Variants in UCK2 observed in about 807,000 individuals in gnomAD.
UCK2 encodes uridine-cytidine kinase 2.
Under a neutral mutation model 30.8 loss-of-function variants are expected in UCK2, and 6 were observed. The ratio of observed to expected loss-of-function variants is 0.19; its 90% CI spans 0.11 to 0.38. UCK2 has a LOEUF of 0.38. UCK2 is among the 10% of genes least tolerant of loss of function. UCK2 has a pLI of 1.00. For missense variants in UCK2, 210 were observed against 339.8 expected (o/e 0.62, Z 3.00); for synonymous variants, 125 against 133.6 (o/e 0.94, Z 0.45).
At chr1:165,883,802 A>G (rs1264886033) in intron 1 of UCK2, among the ~76,000 whole-genome samples, 1 of 152,202 alleles carries the variant, frequency 6.6e-6, no homozygotes, top group Non-Finnish European at 1.5e-5. Context: ...TTGCTGCTGA[A>G]AAAAGAAAAG....
intron 1 of UCK2, among the ~76,000 whole-genome samples, chr1:165,859,596 G>A (rs1654842405): frequency 1.3e-5 from 2 of 152,108 alleles, no homozygotes; most frequent in South Asian, 4.1e-4. Context: ...CAGGGTGGGT[G>A]GATCACTTTG....
intron 3 of UCK2, among the ~76,000 whole-genome samples, chr1:165,895,029 C>T (rs1305084634): frequency 6.6e-6 from 1 of 152,186 alleles, no homozygotes; most frequent in African/African-American, 2.4e-5. Context: ...ACAGTGAAAG[C>T]TGCAGCAAGG....
chr1:165,863,435 A>T (rs761746529), intron 1 of UCK2, among the ~76,000 whole-genome samples: 1 of 152,204 alleles, frequency 6.6e-6, no homozygotes, highest in South Asian at 2.1e-4. Flanking sequence ...TGTTAAGCAG[A>T]TCTTCAGTAT....
chr1:165,872,710 G>A (rs1655225396), intron 1 of UCK2, among the ~76,000 whole-genome samples: 2 of 152,328 alleles, frequency 1.3e-5, no homozygotes, highest in East Asian at 3.9e-4. Context: ...CCTTAAAAAG[G>A]AGGCAGTCTT....
At position 165,852,989 on chromosome 1, in the gene UCK2, G is replaced by A. The variant is rs1051073469; in HGVS notation, c.99+25057G>A. Reference sequence around the variant, plus strand: ...ATCCCTCTCTTGGTGCCCTGGCTCTGGTTTCTTTTCTTCTAAGTTGCCCCT... The same window carrying A: ...ATCCCTCTCTTGGTGCCCTGGCTCTAGTTTCTTTTCTTCTAAGTTGCCCCT... On this transcript the variant is annotated intron_variant, in intron 1 of 6. Transcript: ENST00000367879. 5.5e-4 allele frequency among the ~76,000 whole-genome samples: 84 copies of A among 152,288 alleles called. 1 individual carries two copies. Among genetic ancestry groups the A allele is most frequent in the African/African-American group, 1.9e-3 (79 of 41,568 alleles).
At chr1:165,882,929 A>G (rs1183853544) in intron 1 of UCK2, among the ~76,000 whole-genome samples, 1 of 151,984 alleles carries the variant, frequency 6.6e-6, no homozygotes, top group African/African-American at 2.4e-5. Context: ...GGTTCAAGCG[A>G]TCCTCCTGCC....
intron 1 of UCK2, among the ~76,000 whole-genome samples, chr1:165,830,139 G>A (rs1046808064): frequency 2.0e-5 from 3 of 151,906 alleles, no homozygotes; most frequent in Non-Finnish European, 2.9e-5. Flanking sequence ...CAGAGTAGCT[G>A]AGACTACAGG....
At chr1:165,850,707 C>T (rs1187341508) in intron 1 of UCK2, among the ~76,000 whole-genome samples, 1 of 150,946 alleles carries the variant, frequency 6.6e-6, no homozygotes, top group Non-Finnish European at 1.5e-5. Context: ...CAAGCTCCGC[C>T]TCCCGTGTTC....
intron 1 of UCK2, among the ~76,000 whole-genome samples, chr1:165,888,351 G>C (rs1325391744): frequency 4.0e-5 from 6 of 151,576 alleles, no homozygotes; most frequent in Admixed American, 3.3e-4. Flanking sequence ...GGAGTACATG[G>C]CACGATCTCA....
chr1:165,903,952 G>A (rs1346322829), intron 5 of UCK2: 1 of 152,566 alleles, frequency 6.6e-6, no homozygotes, highest in East Asian at 1.9e-4. Context: ...GAGGTGTGGT[G>A]TGCTGGGGCT....
intron 1 of UCK2, among the ~76,000 whole-genome samples, chr1:165,854,053 G>A (rs943627915): frequency 1.3e-5 from 2 of 152,146 alleles, no homozygotes; most frequent in Non-Finnish European, 2.9e-5. Context: ...ATGCTCTTTG[G>A]GAAGTCTGAG....
chr1:165,863,288 T>C (rs985574973), intron 1 of UCK2, among the ~76,000 whole-genome samples: 2 of 152,246 alleles, frequency 1.3e-5, no homozygotes, highest in African/African-American at 4.8e-5. Flanking sequence ...ACAAGCCATG[T>C]TGGCCATTTG....
At chr1:165,873,207 T>C (rs1416823974) in intron 1 of UCK2, among the ~76,000 whole-genome samples, 1 of 152,188 alleles carries the variant, frequency 6.6e-6, no homozygotes, top group Non-Finnish European at 1.5e-5. Flanking sequence ...TATAGAATTC[T>C]GAGATAGAGA....
At chr1:165,830,516 G>A (rs190177434) in intron 1 of UCK2, among the ~76,000 whole-genome samples, 1 of 150,822 alleles carries the variant, frequency 6.6e-6, no homozygotes, top group East Asian at 2.0e-4. Flanking sequence ...CAGTAAACAC[G>A]GAGTTTCACT....
intron 1 of UCK2, among the ~76,000 whole-genome samples, chr1:165,883,679 A>G (rs1405281031): frequency 6.6e-6 from 1 of 152,128 alleles, no homozygotes; most frequent in African/African-American, 2.4e-5. Context: ...CTAGTCAGCA[A>G]TGCATGGGCT....
chr1:165,833,420 G>A lies in UCK2; in HGVS notation c.99+5488G>A, dbSNP rs926301507. 4.6e-5 allele frequency among the ~76,000 whole-genome samples: 7 copies of A among 152,120 alleles called. No individual in the cohort carries two copies. In the South Asian group the frequency reaches 1.0e-3, roughly 23 times the overall value. On this transcript the variant is annotated intron_variant, in intron 1 of 6. Coordinates refer to ENST00000367879, the MANE Select transcript of UCK2 (RefSeq NM_012474.5). ...CCTGAATCTCTCCTGCTTGTTCACT[G>A]AGCCATGCCTAGCACGATGTCTGGT...
chr1:165,842,516 C>T (rs1654355543), intron 1 of UCK2, among the ~76,000 whole-genome samples: 1 of 152,212 alleles, frequency 6.6e-6, no homozygotes, highest in African/African-American at 2.4e-5. Context: ...TCATCTCTGT[C>T]ACTCCTGCAC....
intron 1 of UCK2, among the ~76,000 whole-genome samples, chr1:165,862,065 C>A (rs939537914): frequency 6.6e-6 from 1 of 152,172 alleles, no homozygotes; most frequent in East Asian, 1.9e-4. Context: ...TAAGTCCTCT[C>A]GTCACCCTTG....
intron 1 of UCK2, among the ~76,000 whole-genome samples, chr1:165,882,664 A>G (rs1231953705): frequency 6.6e-6 from 1 of 152,166 alleles, no homozygotes; most frequent in African/African-American, 2.4e-5. Flanking sequence ...GTGTCCTCTC[A>G]TGGCAGAAGA....
Sources: allele counts gnomAD v4.1 joint callset (sites outside exome capture counted in the v4.1 genomes callset), GRCh38; gene constraint gnomAD v4.1.1; transcripts MANE v1.5; gene names NCBI Gene and HGNC (gene_info 2026-07-23, HGNC 2026-07-21).